CHODL: variants seen among roughly 807,000 people sequenced by gnomAD.
The protein encoded by CHODL is chondrolectin.
A neutral mutation model predicts 34.5 loss-of-function variants in CHODL; 29 were observed. That is an observed-to-expected ratio of 0.84 (90% CI 0.63 to 1.15). The LOEUF (loss-of-function observed/expected upper bound fraction) is 1.15. Ranked by LOEUF, CHODL falls within the 50% of genes most tolerant of loss-of-function variation. The pLI is 0.00. For missense variants in CHODL, 332 were observed against 332.5 expected (o/e 1.00, Z 0.01); for synonymous variants, 125 against 116.1 (o/e 1.08, Z -0.49).
chr21:17,977,224 C>T (rs956658953), intron 1 of CHODL, among the ~76,000 whole-genome samples: 11 of 152,118 alleles, frequency 7.2e-5, no homozygotes, highest in Non-Finnish European at 1.5e-4. Flanking sequence ...TTGTTTGCCC[C>T]TTTAGTTCTT....
chr21:17,977,213 G>A (rs534010103), intron 1 of CHODL, among the ~76,000 whole-genome samples: 1 of 152,136 alleles, frequency 6.6e-6, no homozygotes, highest in African/African-American at 2.4e-5. Context: ...AATTTCTCAT[G>A]TTGTTTGCCC....
At chr21:18,204,729 C>A (rs912942452) in intron 2 of CHODL, among the ~76,000 whole-genome samples, 2 of 152,148 alleles carry the variant, frequency 1.3e-5, no homozygotes, top group Non-Finnish European at 2.9e-5. Flanking sequence ...TCACTTAACA[C>A]CCCTGAGTAT....
Position 18,190,858 on chromosome 21 carries a change from A to C in CHODL, c.-44-65651A>C, listed in dbSNP as rs886202383. On this transcript the variant is annotated intron_variant, in intron 2 of 6. Transcript: ENST00000400127. ...GATTTGTAATATGATGGTGAAATCC[A>C]AGAAAAATATTTTGCTGGGAAGAGT... Among the ~76,000 whole-genome samples, 12 of 152,186 alleles carry C rather than the reference A, an allele frequency of 7.9e-5. 1 individual carries two copies. Among genetic ancestry groups the C allele is most frequent in the African/African-American group, 1.7e-4 (7 of 41,456 alleles).
chr21:18,125,415 GAATC>G (rs1280175279), intron 2 of CHODL, among the ~76,000 whole-genome samples: 3 of 152,008 alleles, frequency 2.0e-5, no homozygotes, highest in African/African-American at 7.2e-5. Context: ...AATTCCAAAT[GAATC>G]AGAGTCAAAT....
chr21:18,219,776 G>A (rs187855067), intron 2 of CHODL, among the ~76,000 whole-genome samples: 1 of 149,446 alleles, frequency 6.7e-6, no homozygotes, highest in African/African-American at 2.4e-5. Flanking sequence ...TTGGTTAGTT[G>A]TATTTTTTTT....
upstream of CHODL, among the ~76,000 whole-genome samples, chr21:18,242,870 C>T (rs1419232006): frequency 1.3e-5 from 2 of 152,166 alleles, no homozygotes; most frequent in African/African-American, 2.4e-5. Flanking sequence ...TGCCTTCATT[C>T]TTGCTAGCTT....
rs1206480663 is a variant in CHODL at position 18,248,607 on chromosome 21, G to A, written c.79+3305G>A. On this transcript the variant is annotated intron_variant, in intron 1 of 5. Transcript: ENST00000299295. ...TTTTATATATATATATAAAATATAT[G>A]TATAATACATATATAATATATATAA... is the stretch of plus-strand genomic sequence containing the variant. Among the ~76,000 whole-genome samples the A allele has an allele frequency of 4.0e-5, 5 of 124,520 alleles. No individual in the cohort carries two copies. The East Asian group carries it at 8.7e-4, about 22-fold the overall frequency. The allele number at this position is 124,520 out of a possible 152,430, so 81.7% of individuals were successfully genotyped here. A position where few individuals can be genotyped will look rare whatever the true frequency, so the allele number is the denominator to read the frequency against.
At chr21:17,941,262 A>G (rs1481006372) in intron 1 of CHODL, among the ~76,000 whole-genome samples, 1 of 150,884 alleles carries the variant, frequency 6.6e-6, no homozygotes, top group Non-Finnish European at 1.5e-5. Flanking sequence ...TTTGGGGAAG[A>G]AAATCCCAAA....
intron 2 of CHODL, among the ~76,000 whole-genome samples, chr21:18,171,022 G>A (rs1410240260): frequency 6.6e-6 from 1 of 150,688 alleles, no homozygotes; most frequent in Admixed American, 6.6e-5. Flanking sequence ...TGTTTTTGAA[G>A]GATAATTTTG....
intron 1 of CHODL, among the ~76,000 whole-genome samples, chr21:18,027,213 G>T (rs2064185961): frequency 6.6e-6 from 1 of 152,162 alleles, no homozygotes; most frequent in African/African-American, 2.4e-5. Context: ...ATTTGAGGCT[G>T]CAGTGAGCCA....
chr21:18,197,524 G>T lies in CHODL; in HGVS notation c.-44-58985G>T, dbSNP rs117625971. Among the ~76,000 whole-genome samples the T allele has an allele frequency of 5.2e-3, 791 of 152,312 alleles. 6 individuals are homozygous for T. Among genetic ancestry groups the T allele is most frequent in the South Asian group, 0.015 (70 of 4,826 alleles). On this transcript the variant is annotated intron_variant, in intron 2 of 6. Transcript: ENST00000400127. ...CCAACTAATCTGGAGGCTGCAGTGG[G>T]AGAATTGCTTGAACCCGGGATGCGG...
chr21:18,186,952 G>A (rs900998385), intron 2 of CHODL, among the ~76,000 whole-genome samples: 1 of 152,022 alleles, frequency 6.6e-6, no homozygotes, highest in Non-Finnish European at 1.5e-5. Context: ...AATGCTCTAG[G>A]GCTATTGGTA....
At chr21:18,216,305 G>A (rs2073827530) in intron 2 of CHODL, among the ~76,000 whole-genome samples, 1 of 151,936 alleles carries the variant, frequency 6.6e-6, no homozygotes, top group Non-Finnish European at 1.5e-5. Context: ...TTTTCTTCTA[G>A]CTATTTTAAA....
upstream of CHODL, among the ~76,000 whole-genome samples, chr21:18,240,189 T>C (rs1318968059): frequency 6.6e-6 from 1 of 152,142 alleles, no homozygotes; most frequent in Non-Finnish European, 1.5e-5. Context: ...AGTGACATTT[T>C]ACAATTAAAT....
At chr21:18,142,825 G>C (rs1355560848) in intron 2 of CHODL, among the ~76,000 whole-genome samples, 1 of 152,168 alleles carries the variant, frequency 6.6e-6, no homozygotes, top group Non-Finnish European at 1.5e-5. Context: ...GCCTAGATTA[G>C]TGTGTGGTAA....
intron 2 of CHODL, among the ~76,000 whole-genome samples, chr21:18,228,562 C>T (rs2146751112): frequency 6.6e-6 from 1 of 152,134 alleles, no homozygotes; most frequent in East Asian, 1.9e-4. Context: ...GCTGTGTTTT[C>T]AGTTCTCTGC....
At chr21:18,002,365 GGTTCTAATTTC>G (rs2063914847) in intron 1 of CHODL, among the ~76,000 whole-genome samples, 1 of 151,982 alleles carries the variant, frequency 6.6e-6, no homozygotes, top group African/African-American at 2.4e-5. Context: ...CAAAGAACTG[GGTTCTAATTTC>G]CTTCCATTTT....
chr21:18,211,885 T>C (rs1385281483), intron 2 of CHODL, among the ~76,000 whole-genome samples: 1 of 152,218 alleles, frequency 6.6e-6, no homozygotes, highest in African/African-American at 2.4e-5. Context: ...AATTTATTCA[T>C]TTGAAAACAG....
Position 18,056,223 on chromosome 21 carries a change from G to T in CHODL, c.-45+28252G>T, listed in dbSNP as rs2824621. Among the ~76,000 whole-genome samples, 60 of 151,706 alleles carry T rather than the reference G, an allele frequency of 4.0e-4. No homozygotes were observed. In the East Asian group the frequency reaches 9.7e-3, roughly 25 times the overall value. On this transcript the variant is annotated intron_variant, in intron 2 of 6. Transcript: ENST00000400127. ...ACCATTAACCTTCAAGATTTTGAAG[G>T]CATTTCTCCAGTGTTTATTGTTTCT...
Sources: allele counts gnomAD v4.1 joint callset (sites outside exome capture counted in the v4.1 genomes callset), GRCh38; gene constraint gnomAD v4.1.1; transcripts MANE v1.5; gene names NCBI Gene and HGNC (gene_info 2026-07-23, HGNC 2026-07-21).